Variants in GRIA1 observed in about 807,000 individuals in gnomAD.
GRIA1 encodes the protein glutamate receptor 1.
A neutral mutation model predicts 99.2 loss-of-function variants in GRIA1; 31 were observed. The observed-to-expected ratio is 0.31, with a 90% CI of 0.23 to 0.42. GRIA1 has a LOEUF of 0.42. GRIA1 is among the 10% of genes least tolerant of loss of function. The probability of loss-of-function intolerance (pLI) is 1.00; values close to 1 mark genes in which losing one functional copy is unlikely to be tolerated. For synonymous variants in GRIA1, 438 were observed against 432.4 expected, an observed-to-expected ratio of 1.01 and a Z score of -0.16; for missense variants, 782 against 1,157.5, an observed-to-expected ratio of 0.68 and a Z score of 4.71.
At chr5:153,800,861 C>T (rs939021498) in intron 14 of GRIA1, among the ~76,000 whole-genome samples, 4 of 152,198 alleles carry the variant, frequency 2.6e-5, no homozygotes, top group Non-Finnish European at 1.5e-5. Flanking sequence ...TAGGGCAATA[C>T]GGTCCACCCC....
chr5:153,736,034 C>T (rs1761356994), intron 11 of GRIA1, among the ~76,000 whole-genome samples: 2 of 152,148 alleles, frequency 1.3e-5, no homozygotes, highest in African/African-American at 2.4e-5. Flanking sequence ...GAATCATCAG[C>T]ATACAGTATT....
chr5:153,733,392 A>G (rs1322739526), intron 11 of GRIA1, among the ~76,000 whole-genome samples: 9 of 152,086 alleles, frequency 5.9e-5, no homozygotes, highest in Non-Finnish European at 1.0e-4. Context: ...AGATAAAGAG[A>G]AAGGAATCAA....
intron 2 of GRIA1, among the ~76,000 whole-genome samples, chr5:153,589,290 A>G (rs942503369): frequency 1.3e-5 from 2 of 152,162 alleles, no homozygotes; most frequent in African/African-American, 4.8e-5. Flanking sequence ...AGGTGCATCA[A>G]TTTTGGATCA....
chr5:153,611,939 T>C (rs146373514), intron 2 of GRIA1, among the ~76,000 whole-genome samples: 1 of 152,332 alleles, frequency 6.6e-6, no homozygotes, highest in East Asian at 1.9e-4. Context: ...TTTGGAGATG[T>C]AGGTTTGTAA....
intron 15 of GRIA1, among the ~76,000 whole-genome samples, chr5:153,803,192 T>A (rs1179618531): frequency 6.6e-6 from 1 of 152,214 alleles, no homozygotes; most frequent in Non-Finnish European, 1.5e-5. Flanking sequence ...TTTACTTTTC[T>A]AAAAGAGCTA....
At chr5:153,745,184 C>T (rs1762062469) in intron 11 of GRIA1, among the ~76,000 whole-genome samples, 1 of 152,184 alleles carries the variant, frequency 6.6e-6, no homozygotes, top group African/African-American at 2.4e-5. Flanking sequence ...CTTCGGCTCT[C>T]CGCTTAAATA....
chr5:153,764,251 T>A (rs900217624), intron 11 of GRIA1, among the ~76,000 whole-genome samples, 183 bp from the exon 12 acceptor site: 12 of 152,174 alleles, frequency 7.9e-5, no homozygotes, highest in African/African-American at 2.4e-4. Context: ...ATGTCCGTAA[T>A]AAGGAACAAA....
At chr5:153,525,512 A>C (rs957024351) in intron 2 of GRIA1, 5 of 151,866 alleles carry the variant, frequency 3.3e-5, no homozygotes, top group Non-Finnish European at 7.4e-5. Flanking sequence ...AATAAAAAAG[A>C]GTATAAAATT....
chr5:153,611,549 A>G (rs1225028052), intron 2 of GRIA1, among the ~76,000 whole-genome samples: 1 of 152,236 alleles, frequency 6.6e-6, no homozygotes, highest in Non-Finnish European at 1.5e-5. Flanking sequence ...CAAGCTCTCC[A>G]TCATTGCTTT....
chr5:153,658,386 T>C (rs181138453), intron 5 of GRIA1, among the ~76,000 whole-genome samples: 1 of 152,290 alleles, frequency 6.6e-6, no homozygotes, highest in East Asian at 1.9e-4. Context: ...CAAGTCAGCC[T>C]CTTGGGCTGT....
At chr5:153,729,304 C>T (rs573959073) in intron 11 of GRIA1, among the ~76,000 whole-genome samples, 29 of 151,988 alleles carry the variant, frequency 1.9e-4, no homozygotes, top group African/African-American at 7.0e-4. Context: ...TTAATGGGTG[C>T]AGCACACCAG....
In GRIA1 at chr5:153,499,257, C is replaced by T. The variant is rs578161546; in HGVS notation, c.220+5192C>T. Among the ~76,000 whole-genome samples, 91 of 152,122 alleles carry T rather than the reference C, an allele frequency of 6.0e-4. 1 individual carries two copies. The highest frequency in any genetic ancestry group is 3.4e-3 in the Middle Eastern group (1 of 294). On this transcript the variant is annotated intron_variant, in intron 2 of 15. Coordinates refer to ENST00000285900, the MANE Select transcript of GRIA1 (RefSeq NM_000827.4). ...CTTTATATTATGCAACAAATAAAAA[C>T]CTAAGCTAGTATTTAAAGCCAGTTT...
chr5:153,794,840 G>A (rs1188210954), intron 14 of GRIA1, 105 bp downstream of exon 14: 3 of 682,900 alleles, frequency 4.4e-6, no homozygotes, highest in Non-Finnish European at 7.7e-6. Flanking sequence ...ATACTAAAAA[G>A]AAAAGATAAA....
At chr5:153,502,567 G>T (rs772886258) in intron 2 of GRIA1, among the ~76,000 whole-genome samples, 1 of 152,160 alleles carries the variant, frequency 6.6e-6, no homozygotes, top group African/African-American at 2.4e-5. Context: ...TCTAAATAAA[G>T]AATTTCTGAT....
At chr5:153,563,986 C>T (rs753953848) in intron 2 of GRIA1, among the ~76,000 whole-genome samples, 1 of 152,134 alleles carries the variant, frequency 6.6e-6, no homozygotes, top group Non-Finnish European at 1.5e-5. Context: ...GGGTTTTGAA[C>T]AATTAAGTTG....
At chr5:153,584,819 T>C (rs1369022643) in intron 2 of GRIA1, among the ~76,000 whole-genome samples, 1 of 152,210 alleles carries the variant, frequency 6.6e-6, no homozygotes, top group Non-Finnish European at 1.5e-5. Flanking sequence ...AGGGCTGTGG[T>C]AACCTCTACC....
chr5:153,702,282 T>C (rs1215855583), intron 10 of GRIA1, among the ~76,000 whole-genome samples: 2 of 152,270 alleles, frequency 1.3e-5, no homozygotes, highest in Non-Finnish European at 2.9e-5. Context: ...CCTTCACAGC[T>C]GTCTTTACTG....
chr5:153,686,227 G>A lies in GRIA1; in HGVS notation c.1032G>A (p.Val344=). 1 of 1,612,890 alleles carries A rather than the reference G, an allele frequency of 6.2e-7. No homozygotes were observed. Among genetic ancestry groups the A allele is most frequent in the South Asian group, 1.1e-5 (1 of 91,044 alleles). Residue 344 remains valine, a splice_region_variant and synonymous_variant, in exon 8 of 16, where the codon GTG becomes GTA. Transcript: ENST00000285900. ...CACCACTTGGTTTTGTTTTCCAGGT[G>A]CGATTTGAAGGTTTAACAGGAAACG... is the stretch of plus-strand genomic sequence containing the variant. ...GIDIQRALQQ[V]RFEGLTGNVQ...
At chr5:153,491,389 A>C in intron 1 of GRIA1, 1 of 739,622 alleles carries the variant, frequency 1.4e-6, no homozygotes. Context: ...ACATATGCAC[A>C]TATATATGTA....
Sources: gnomAD v4.1 joint callset for allele counts (sites outside exome capture counted in the v4.1 genomes callset) on GRCh38, gnomAD v4.1.1 for gene constraint, MANE v1.5 for transcripts, NCBI Gene and HGNC (gene_info 2026-07-23, HGNC 2026-07-21) for gene names.